LARP7: variants seen among roughly 807,000 people sequenced by gnomAD.
LARP7 encodes the protein La ribonucleoprotein 7, transcriptional regulator, also known as la-related protein 7.
A neutral mutation model predicts 69.3 loss-of-function variants in LARP7; 52 were observed. The ratio of observed to expected loss-of-function variants is 0.75; its 90% CI spans 0.60 to 0.95. The LOEUF (loss-of-function observed/expected upper bound fraction) is 0.95, where lower values mean the gene tolerates loss of function less well. Ranked by LOEUF, LARP7 falls within the 40% of genes least tolerant of loss-of-function variation. LARP7 has a pLI of 0.00. For missense variants in LARP7, 733 were observed against 673.0 expected (o/e 1.09, Z -0.99); for synonymous variants, 254 against 215.9 (o/e 1.18, Z -1.55).
Position 112,647,670 on chromosome 4 carries a change from G to T in LARP7, c.998-20G>T. 1 of 1,506,366 alleles carries T rather than the reference G, an allele frequency of 6.6e-7. No individual in the cohort carries two copies. Among genetic ancestry groups the T allele is most frequent in the Non-Finnish European group, 8.8e-7 (1 of 1,131,794 alleles). 93.3% of individuals were successfully genotyped at this position (1,506,366 alleles called of 1,614,324 possible). On this transcript the variant is annotated intron_variant, in intron 7 of 12. Coordinates refer to ENST00000344442, the MANE Select transcript of LARP7 (RefSeq NM_016648.4). Reference sequence around the variant, plus strand: ...TCACAGCCCCATGTCTTAACGGAGAGCTTTTTTATTTATTTCAAGATATAG... The same window carrying T: ...TCACAGCCCCATGTCTTAACGGAGATCTTTTTTATTTATTTCAAGATATAG...
intron 8 of LARP7, 45 bp downstream of exon 8, chr4:112,647,879 A>C: frequency 7.4e-7 from 1 of 1,356,220 alleles, no homozygotes; most frequent in Non-Finnish European, 1.1e-6. Flanking sequence ...ACAATCCATC[A>C]CCATTGCTAA....
intron 1 of LARP7, among the ~76,000 whole-genome samples, chr4:112,643,724 G>C (rs2048049219): frequency 6.6e-6 from 1 of 152,026 alleles, no homozygotes; most frequent in South Asian, 2.1e-4. Flanking sequence ...TGGCAGTGGT[G>C]CCTGTATTCC....
At chr4:112,646,288 A>G in intron 2 of LARP7, 63 bp from the exon 3 acceptor site, 1 of 848,752 alleles carries the variant, frequency 1.2e-6, no homozygotes, top group African/African-American at 1.7e-5. Flanking sequence ...GGCAGGTTAA[A>G]TTGTACCAAA....
intron 12 of LARP7, among the ~76,000 whole-genome samples, chr4:112,656,604 T>C (rs1349123117): frequency 6.6e-6 from 1 of 152,214 alleles, no homozygotes; most frequent in Non-Finnish European, 1.5e-5. Flanking sequence ...GAAGCTTATT[T>C]CTCTTTGGCT....
rs748881347 is a variant in LARP7, at chr4:112,647,197, A to G, written c.647-2A>G. On this transcript the variant is annotated splice_acceptor_variant, in intron 6 of 12. Transcript: ENST00000344442. LOFTEE classifies it high-confidence loss of function. ...GAACTAATAATGATGGCACTTTTAC[A>G]GAAGAGAAGAAAAAGAAAAAGAAGA... The G allele has an allele frequency of 8.2e-6, 13 of 1,588,256 alleles. No individual in the cohort carries two copies. The highest frequency in any genetic ancestry group is 2.3e-5 in the South Asian group (2 of 85,634).
Position 112,646,797 on chromosome 4 carries a change from C to T in LARP7, c.394C>T (p.Leu132Phe). The T allele has an allele frequency of 6.3e-7, 1 of 1,582,726 alleles. No individual in the cohort carries two copies. The highest frequency in any genetic ancestry group is 8.5e-7 in the Non-Finnish European group (1 of 1,170,944). ...EDERTVYVEL[L>F]PKNVNHSWIE... ...TGCTTTTAATTTATAATAGGAGTTA[C>T]TTCCCAAAAATGTTAATCACAGCTG... The change falls in exon 5 of 13, where the codon CTT becomes TTT. Residue 132 changes from leucine (L) to phenylalanine (F), a missense_variant. Transcript: ENST00000344442.
At chr4:112,646,520 T>G (rs1487231446) in intron 3 of LARP7, 68 bp from the exon 4 acceptor site, 18 of 1,258,158 alleles carry the variant, frequency 1.4e-5, no homozygotes, top group Admixed American at 2.3e-5. Context: ...ACGTAATGAT[T>G]ATTATATGAT....
At chr4:112,641,039 C>A (rs950497798) in intron 1 of LARP7, among the ~76,000 whole-genome samples, 1 of 152,148 alleles carries the variant, frequency 6.6e-6, no homozygotes, top group African/African-American at 2.4e-5. Context: ...TTAGAGAGAT[C>A]CCCAGGCCAG....
At chr4:112,652,305 C>CG (rs1483951622) in intron 10 of LARP7, among the ~76,000 whole-genome samples, 21 of 140,400 alleles carry the variant, frequency 1.5e-4, no homozygotes, top group African/African-American at 5.1e-4. Flanking sequence ...CCCCCCCCCC[C>CG]CATTTAGCAA....
At chr4:112,651,976 T>A (rs562326622) in intron 10 of LARP7, among the ~76,000 whole-genome samples, 19 of 151,982 alleles carry the variant, frequency 1.3e-4, no homozygotes, top group African/African-American at 4.6e-4. Flanking sequence ...TGGGAAGGAC[T>A]AGCAAGTGTA....
chr4:112,649,776 TAAA>T, intron 9 of LARP7, 90 bp downstream of exon 9: 1 of 844,676 alleles, frequency 1.2e-6, no homozygotes. Context: ...ATTTTAATTT[TAAA>T]AAACTTGATT....
In LARP7 at chr4:112,649,559, AGAG is replaced by A; in HGVS notation, c.1168_1170del (p.Glu390del). On this transcript the variant is annotated inframe_deletion, in exon 9 of 13. Coordinates refer to ENST00000344442, the MANE Select transcript of LARP7 (RefSeq NM_016648.4). ...GGAGCGAATGGATGGATTTGAAAAA[AGAG>A]TATTTAGCGCTACAAAAAGCTAGCA... The A allele has an allele frequency of 6.2e-7, 1 of 1,601,698 alleles. No individual in the cohort carries two copies.
Position 112,647,554 on chromosome 4 carries a change from A to C in LARP7, c.997+5A>C, listed in dbSNP as rs1238474589. 2.5e-6 allele frequency: 4 copies of C among 1,582,922 alleles called. No individual in the cohort carries two copies. Among genetic ancestry groups the C allele is most frequent in the Non-Finnish European group, 8.6e-7 (1 of 1,167,136 alleles). Reference sequence around the variant, plus strand: ...AAGCTTCCAAGGAAAATAGAGGTAAAACTACAAGGTTTTAATTAGATAAAA... The same window carrying C: ...AAGCTTCCAAGGAAAATAGAGGTAACACTACAAGGTTTTAATTAGATAAAA... On this transcript the variant is annotated splice_donor_5th_base_variant and intron_variant, in intron 7 of 12. Coordinates refer to ENST00000344442, the MANE Select transcript of LARP7 (RefSeq NM_016648.4).
intron 1 of LARP7, among the ~76,000 whole-genome samples, chr4:112,642,284 T>G (rs2047993961): frequency 6.6e-6 from 1 of 152,198 alleles, no homozygotes; most frequent in Admixed American, 6.5e-5. Flanking sequence ...GACACCTCAT[T>G]GTTTTTCTAT....
chr4:112,644,745 AAG>A lies in LARP7; in HGVS notation c.78_79del (p.Lys27ThrfsTer5), dbSNP rs1340114746. On this transcript the variant is annotated frameshift_variant, in exon 2 of 13. Coordinates refer to ENST00000344442, the MANE Select transcript of LARP7 (RefSeq NM_016648.4). LOFTEE classifies it high-confidence loss of function. ...STEKKKEVEK[K>X]KRSRVKQVLA... ...TGAAAAGAAAAAAGAAGTTGAAAAAAAGAAACGGTCACGAGTTAAACAGGTGC... is the reference window on the plus strand; with the variant it reads ...TGAAAAGAAAAAAGAAGTTGAAAAAAAAACGGTCACGAGTTAAACAGGTGC... 3 of 1,611,450 alleles carry A rather than the reference AAG, an allele frequency of 1.9e-6. No individual in the cohort carries two copies. The highest frequency in any genetic ancestry group is 1.7e-6 in the Non-Finnish European group (2 of 1,178,336).
At chr4:112,645,996 T>G (rs994263841) in intron 2 of LARP7, among the ~76,000 whole-genome samples, 1 of 133,220 alleles carries the variant, frequency 7.5e-6, no homozygotes, top group African/African-American at 3.4e-5. Context: ...CCTCATACAG[T>G]TTTTTTTTGT....
At position 112,650,525 on chromosome 4, in the gene LARP7, T is replaced by C. The variant is rs1382237197; in HGVS notation, c.1359T>C (p.Ser453=). Residue 453 remains serine, a synonymous_variant, in exon 10 of 13, where the codon AGT becomes AGC. Coordinates refer to ENST00000344442, the MANE Select transcript of LARP7 (RefSeq NM_016648.4). ...ATGCAACAGGACCACAGTTCGTGAG[T>C]GGAGTGATTGTGAAGATCATTAGCA... ...KVNATGPQFV[S]GVIVKIISTE... 2 of 1,613,426 alleles carry C rather than the reference T, an allele frequency of 1.2e-6. No individual in the cohort carries two copies. Among genetic ancestry groups the C allele is most frequent in the African/African-American group, 2.7e-5 (2 of 74,804 alleles).
rs760720635 is a variant in LARP7, at chr4:112,657,282, G to A, written c.1704G>A (p.Lys568=). The A allele has an allele frequency of 1.3e-6, 2 of 1,590,410 alleles. No homozygotes were observed. Among genetic ancestry groups the A allele is most frequent in the Non-Finnish European group, 1.7e-6 (2 of 1,168,284 alleles). ...AAGCTGAAAAGATTAGACTGGCAAA[G>A]ACTCAACAAGCGAGTAAACATATAA... The part of the protein sequence containing the change: ...ITKAEKIRLA[K]TQQASKHIRF... The change falls in exon 13 of 13, where the codon AAG becomes AAA. Residue 568 remains lysine, a synonymous_variant. Transcript: ENST00000344442.
Position 112,647,224 on chromosome 4 carries a change from G to A in LARP7, c.672G>A (p.Lys224=). 1 of 1,594,676 alleles carries A rather than the reference G, an allele frequency of 6.3e-7. No homozygotes were observed. The highest frequency in any genetic ancestry group is 8.5e-7 in the Non-Finnish European group (1 of 1,174,732). ...VVEEKKKKKK[K]KGRMKKEDNI... Reference sequence around the variant, plus strand: ...AAGAGAAGAAAAAGAAAAAGAAGAAGAAAGGCCGAATGAAAAAGGAAGACA... The same window carrying A: ...AAGAGAAGAAAAAGAAAAAGAAGAAAAAAGGCCGAATGAAAAAGGAAGACA... Residue 224 remains lysine (K), a synonymous_variant, in exon 7 of 13, where the codon AAG becomes AAA. Transcript: ENST00000344442.
Sources: gnomAD v4.1 joint callset for allele counts (sites outside exome capture counted in the v4.1 genomes callset) on GRCh38, gnomAD v4.1.1 for gene constraint, MANE v1.5 for transcripts, NCBI Gene and HGNC (gene_info 2026-07-23, HGNC 2026-07-21) for gene names.